ANO7: variants seen among roughly 807,000 people sequenced by gnomAD.
The protein encoded by ANO7 is anoctamin-7.
In ANO7, 114 loss-of-function variants were observed where a neutral mutation model predicts 115.8. That is an observed-to-expected ratio of 0.98 (90% CI 0.85 to 1.15). The LOEUF (loss-of-function observed/expected upper bound fraction) is 1.15, where lower values mean the gene tolerates loss of function less well. ANO7 is among the 50% of genes most tolerant of loss of function. ANO7 has a pLI of 0.00. For missense variants in ANO7, 1,302 were observed against 1,201.2 expected, an observed-to-expected ratio of 1.08 and a Z score of -1.24; for synonymous variants, 550 against 498.2, an observed-to-expected ratio of 1.10 and a Z score of -1.38.
At chr2:241,192,025 T>A (rs1372980301) in intron 3 of ANO7, among the ~76,000 whole-genome samples, 1 of 152,230 alleles carries the variant, frequency 6.6e-6, no homozygotes, top group African/African-American at 2.4e-5. Flanking sequence ...ATTCGTCTGC[T>A]GGGACTGTCA....
At chr2:241,223,506 G>A (rs1244825780) in intron 22 of ANO7, 156 bp from the exon 23 acceptor site, 1 of 1,224,946 alleles carries the variant, frequency 8.2e-7, no homozygotes, top group Non-Finnish European at 1.1e-6. Flanking sequence ...ACGAAAGCTG[G>A]GGTGGCCTCT....
intron 19 of ANO7, 24 bp from the exon 20 acceptor site, chr2:241,217,643 GCGGACGGTGGCGGAGAGCC>G: frequency 1.3e-6 from 2 of 1,540,122 alleles, no homozygotes; most frequent in Non-Finnish European, 1.7e-6. Flanking sequence ...AGGGCTGAGG[GCGGACGGTGGCGGAGAGCC>G]CGGCCGTGAC....
At chr2:241,238,492 G>T in the ANO7 span, 1 of 545,274 alleles carries the variant, frequency 1.8e-6, no homozygotes, top group South Asian at 4.3e-5. This position sits in a 1 kb window ranked among gnomAD's most constrained non-coding sequence, Gnocchi z 4.9. Flanking sequence ...TCTTTTAAAG[G>T]CCAGGGAGTG....
At chr2:241,218,709 G>A (rs1210220073) in intron 21 of ANO7, among the ~76,000 whole-genome samples, 2 of 152,232 alleles carry the variant, frequency 1.3e-5, no homozygotes, top group African/African-American at 2.4e-5. Context: ...GGCCGGGGGC[G>A]TCGGCAGACT....
In ANO7 at chr2:241,188,733, C is replaced by T; in HGVS notation, c.-41C>T. 6.2e-7 allele frequency: 1 copy of T among 1,613,616 alleles called. No homozygotes were observed. The highest frequency in any genetic ancestry group is 8.5e-7 in the Non-Finnish European group (1 of 1,179,880). On this transcript the variant is annotated 5_prime_UTR_variant, in exon 1 of 25. Transcript: ENST00000674324. This position sits in a 1 kb window ranked among gnomAD's most constrained non-coding sequence, Gnocchi z 4.3. ...GCTCACGCTGAGAGGTGGGCCATGA[C>T]CTCCGAGACCTCTTCCGGAAGCCAC...
At chr2:241,201,187 G>A (rs1559443720) in intron 6 of ANO7, 111 bp from the exon 7 acceptor site, 5 of 1,283,986 alleles carry the variant, frequency 3.9e-6, no homozygotes, top group Non-Finnish European at 4.2e-6. Context: ...CAGCACCCGG[G>A]CCCCAAACCT....
chr2:241,223,993 TCCCTGAGGTCACAGGG>T (rs770405476), intron 24 of ANO7, 38 bp downstream of exon 24: 11 of 1,613,622 alleles, frequency 6.8e-6, no homozygotes, highest in Middle Eastern at 3.3e-4. Context: ...CCCCGTGCAC[TCCCTGAGGTCACAGGG>T]CCCTGCCCAG....
chr2:241,211,241 C>T (rs916696656), intron 15 of ANO7, among the ~76,000 whole-genome samples: 2 of 152,192 alleles, frequency 1.3e-5, no homozygotes, highest in African/African-American at 2.4e-5. Context: ...AGGATAGGGC[C>T]GCTGAGCCTC....
chr2:241,221,682 T>C (rs1030179579), intron 21 of ANO7, among the ~76,000 whole-genome samples: 2 of 151,644 alleles, frequency 1.3e-5, no homozygotes, highest in African/African-American at 2.4e-5. Flanking sequence ...GGATTATTTC[T>C]TTTTTTTCTT....
At chr2:241,206,925 A>G (rs1172127875) in intron 10 of ANO7, among the ~76,000 whole-genome samples, 1 of 125,402 alleles carries the variant, frequency 8.0e-6, no homozygotes, top group Non-Finnish European at 1.7e-5. Flanking sequence ...AGTGGACAGG[A>G]GTGCTCCCAG....
chr2:241,193,772 G>A (rs1395916734), intron 3 of ANO7, among the ~76,000 whole-genome samples: 5 of 152,192 alleles, frequency 3.3e-5, no homozygotes, highest in Non-Finnish European at 7.3e-5. Context: ...AGGGATTAAC[G>A]TATGCCTGAT....
At position 241,203,356 on chromosome 2, in the gene ANO7, G is replaced by A; in HGVS notation, c.747G>A (p.Glu249=). 1 of 1,572,566 alleles carries A rather than the reference G, an allele frequency of 6.4e-7. No homozygotes were observed. Among genetic ancestry groups the A allele is most frequent in the Non-Finnish European group, 8.6e-7 (1 of 1,161,948 alleles). Residue 249 remains glutamate, a synonymous_variant, in exon 9 of 25, where the codon GAG becomes GAA. Coordinates refer to ENST00000674324, the MANE Select transcript of ANO7 (RefSeq NM_001370694.2). This position sits in a 1 kb window ranked among gnomAD's most constrained non-coding sequence, Gnocchi z 4.8. ...AGGGCCCCTTCAAGACGCCCCCAGA[G>A]GGCCCGCAGGCTCCACGCCTCAACC... ...LHDGPFKTPP[E]GPQAPRLNQR... is the part of the protein sequence containing the mutation.
chr2:241,229,471 C>T (rs1028476560), downstream of ANO7: 11 of 693,590 alleles, frequency 1.6e-5, no homozygotes, highest in East Asian at 1.7e-4. Context: ...AGGCTCCCTG[C>T]GGGACCTCGG....
chr2:241,229,840 C>T (rs200093185), downstream of ANO7: 2 of 1,459,904 alleles, frequency 1.4e-6, no homozygotes, highest in East Asian at 5.9e-5. Flanking sequence ...GACCTTCTCA[C>T]TGCTGCTGGC....
chr2:241,210,282 C>A lies in ANO7; in HGVS notation c.1360-13C>A, dbSNP rs2068689330. The A allele has an allele frequency of 6.2e-7, 1 of 1,613,364 alleles. No individual in the cohort carries two copies. Among genetic ancestry groups the A allele is most frequent in the Admixed American group, 1.7e-5 (1 of 60,002 alleles). ...CACCGTGAAGGGTCTCACGGGCCTC[C>A]CTGCCCCCGCAGGTGGCCGTGGTGG... is the stretch of plus-strand genomic sequence containing the variant. On this transcript the variant is annotated splice_polypyrimidine_tract_variant and intron_variant, in intron 13 of 24. Coordinates refer to ENST00000674324, the MANE Select transcript of ANO7 (RefSeq NM_001370694.2).
At chr2:241,189,076 G>A (rs549645841) in intron 1 of ANO7, among the ~76,000 whole-genome samples, 25 of 152,306 alleles carry the variant, frequency 1.6e-4, no homozygotes, top group African/African-American at 4.6e-4. Context: ...CTGAGGAGGG[G>A]CCCGCCTGCC....
chr2:241,200,035 G>A (rs2068431752), intron 5 of ANO7, 54 bp from the exon 6 acceptor site: 2 of 1,596,088 alleles, frequency 1.3e-6, no homozygotes, highest in Middle Eastern at 1.7e-4. Context: ...ACTCCCACCT[G>A]GGGCATTTGC....
In ANO7 at chr2:241,217,733, G is replaced by C. The variant is rs890718439; in HGVS notation, c.2020G>C (p.Ala674Pro). 12 of 1,602,860 alleles carry C rather than the reference G, an allele frequency of 7.5e-6. No homozygotes were observed. The highest frequency in any genetic ancestry group is 1.0e-5 in the Non-Finnish European group (12 of 1,175,392). Reference protein sequence around the residue: ...VTIFVAACPLAPLFALLNNWV... With the variant: ...VTIFVAACPLPPLFALLNNWV... ...CATCTTCGTGGCCGCCTGTCCGCTC[G>C]CGCCGCTCTTCGCCCTGCTCAACAA... is the stretch of plus-strand genomic sequence containing the variant. The change falls in exon 20 of 25, where the codon GCG becomes CCG. Residue 674 changes from alanine (A) to proline (P), a missense_variant. Ala to Pro is a conservative substitution (Grantham distance 27). Transcript: ENST00000674324.
At chr2:241,232,054 C>A in the ANO7 span, among the ~76,000 whole-genome samples, 1 of 152,184 alleles carries the variant, frequency 6.6e-6, no homozygotes, top group Non-Finnish European at 1.5e-5. Flanking sequence ...CAAGAAGCTT[C>A]TGTCCAGATT....
Sources: gnomAD v4.1 joint callset for allele counts (sites outside exome capture counted in the v4.1 genomes callset) on GRCh38, gnomAD v4.1.1 for gene constraint, Gnocchi (gnomAD v3.1) non-coding constraint, MANE v1.5 for transcripts, NCBI Gene and HGNC (gene_info 2026-07-23, HGNC 2026-07-21) for gene names.